Variants in FBN2 observed in about 807,000 individuals in gnomAD.
FBN2 encodes the protein fibrillin-2.
FBN2 carries 105 observed loss-of-function variants against 355.6 expected under a neutral mutation model. The ratio of observed to expected loss-of-function variants is 0.30; its 90% CI spans 0.25 to 0.35. The LOEUF is 0.35. Among genes scored for constraint, FBN2 ranks in the 10% least tolerant of loss-of-function variants. The pLI is 1.00. For missense variants in FBN2, 3,280 were observed against 3,758.7 expected, an observed-to-expected ratio of 0.87 and a Z score of 3.33; for synonymous variants, 1,350 against 1,301.2, an observed-to-expected ratio of 1.04 and a Z score of -0.81.
intron 20 of FBN2, among the ~76,000 whole-genome samples, chr5:128,351,394 A>C (rs1751361651): frequency 6.6e-6 from 1 of 152,060 alleles, no homozygotes; most frequent in African/African-American, 2.4e-5. Context: ...TAAATATACA[A>C]AAATTAGCCA....
rs1027229312 is a variant in FBN2, at chr5:128,369,283, A to G, written c.2147T>C (p.Val716Ala). The part of the protein sequence containing the change: ...CYGGIKKGVC[V>A]RPFPGAVTKS... ...GGTCACTGCACCGGGGAAAGGACGC[A>G]CACACACTCCTTTCTTGATTCCTCC... The change falls in exon 16 of 65, where the codon GTG (valine) becomes GCG (alanine). Residue 716 changes from valine (V) to alanine (A), a missense_variant. Physicochemically the swap from Val to Ala is moderately conservative, Grantham distance 64 (BLOSUM62 0). Coordinates refer to ENST00000262464, the MANE Select transcript of FBN2 (RefSeq NM_001999.4). 1 of 1,614,038 alleles carries G rather than the reference A, an allele frequency of 6.2e-7. No individual in the cohort carries two copies. The highest frequency in any genetic ancestry group is 8.5e-7 in the Non-Finnish European group (1 of 1,179,900).
intron 7 of FBN2, among the ~76,000 whole-genome samples, chr5:128,417,939 G>A (rs988689214): frequency 1.3e-5 from 2 of 152,124 alleles, no homozygotes; most frequent in African/African-American, 4.8e-5. Context: ...GAATTTGGCA[G>A]TGAATACATC....
rs1290679048 is a variant in FBN2, at chr5:128,290,725, CT to C, written c.6445+6del. ...AAAGTGCTGTCTGATGATGTCATTG[CT>C]CTTACCTTCATCGTCTTTGGGGCAC... On this transcript the variant is annotated splice_donor_region_variant and intron_variant, in intron 50 of 64. Coordinates refer to ENST00000262464, the MANE Select transcript of FBN2 (RefSeq NM_001999.4). 1 of 1,613,912 alleles carries C rather than the reference CT, an allele frequency of 6.2e-7. No homozygotes were observed. Among genetic ancestry groups the C allele is most frequent in the East Asian group, 2.2e-5 (1 of 44,886 alleles).
intron 15 of FBN2, chr5:128,371,046 T>A (rs1199745104): frequency 6.6e-6 from 1 of 152,082 alleles, no homozygotes; most frequent in Non-Finnish European, 1.5e-5. Context: ...AGGACACACC[T>A]GAAATACTAA....
At chr5:128,386,526 G>T (rs1216670331) in intron 11 of FBN2, among the ~76,000 whole-genome samples, 1 of 152,042 alleles carries the variant, frequency 6.6e-6, no homozygotes, top group Admixed American at 6.6e-5. Flanking sequence ...GGTTCCACAT[G>T]AATTTTAAAA....
At chr5:128,350,620 G>A (rs1751327902) in intron 21 of FBN2, among the ~76,000 whole-genome samples, 1 of 152,222 alleles carries the variant, frequency 6.6e-6, no homozygotes, top group South Asian at 2.1e-4. Flanking sequence ...AGAGGATACA[G>A]TCATCTAGCA....
intron 5 of FBN2, among the ~76,000 whole-genome samples, chr5:128,473,488 G>GTAA (rs1212111915): frequency 3.3e-5 from 5 of 152,104 alleles, no homozygotes; most frequent in African/African-American, 1.2e-4. Flanking sequence ...CACAGATTAA[G>GTAA]TAATACATGG....
At chr5:128,342,472 G>A (rs1263517734) in intron 25 of FBN2, among the ~76,000 whole-genome samples, 2 of 152,108 alleles carry the variant, frequency 1.3e-5, no homozygotes, top group African/African-American at 4.8e-5. Context: ...AAAGAGAGGG[G>A]TGAGACTTAC....
chr5:128,394,804 G>C (rs963211251), intron 9 of FBN2, among the ~76,000 whole-genome samples: 7 of 152,014 alleles, frequency 4.6e-5, no homozygotes, highest in African/African-American at 1.7e-4. Context: ...ATATATTTTT[G>C]AGACAGGGTC....
At chr5:128,311,212 G>T in intron 39 of FBN2, 88 bp downstream of exon 39, 2 of 1,379,888 alleles carry the variant, frequency 1.4e-6, no homozygotes, top group Non-Finnish European at 2.1e-6. Flanking sequence ...GCCTTTTGTA[G>T]AATGTGAGGA....
At chr5:128,404,580 A>G (rs1242501310) in intron 8 of FBN2, among the ~76,000 whole-genome samples, 1 of 152,236 alleles carries the variant, frequency 6.6e-6, no homozygotes, top group Non-Finnish European at 1.5e-5. Context: ...AAGTTCTTAC[A>G]TTCAATATCA....
intron 18 of FBN2, among the ~76,000 whole-genome samples, chr5:128,363,001 C>A (rs1751677461): frequency 6.6e-6 from 1 of 151,650 alleles, no homozygotes; most frequent in Middle Eastern, 3.2e-3. Flanking sequence ...ATTATCTGAC[C>A]CTTTCCTTTC....
chr5:128,488,004 G>C (rs1469032416), intron 5 of FBN2, among the ~76,000 whole-genome samples: 2 of 152,062 alleles, frequency 1.3e-5, no homozygotes, highest in Non-Finnish European at 2.9e-5. Flanking sequence ...CACATAAAAA[G>C]TCATAGGAGT....
At chr5:128,480,848 T>C (rs1224430814) in intron 5 of FBN2, among the ~76,000 whole-genome samples, 2 of 152,204 alleles carry the variant, frequency 1.3e-5, no homozygotes, top group African/African-American at 4.8e-5. Context: ...GTTATTTCAT[T>C]ATGTCATGAC....
rs773776246 is a variant in FBN2, at chr5:128,302,984, T to C, written c.5906A>G (p.Asn1969Ser). 6.5e-7 allele frequency: 1 copy of C among 1,550,372 alleles called. No homozygotes were observed. Among genetic ancestry groups the C allele is most frequent in the Non-Finnish European group, 8.9e-7 (1 of 1,122,010 alleles). Residue 1969 changes from asparagine (N) to serine (S), a missense_variant, in exon 46 of 65, where the codon AAT (asparagine) becomes AGT (serine). Around this residue, in one of 6 missense-constraint regions of FBN2, gnomAD observed 2,284 missense variants for 2,749.5 expected, o/e 0.83. Transcript: ENST00000262464. ...AATGAAGTACTTACCCAGGCAATCA[T>C]TATTATGAGTGAGTTCAAACCCTGG... Reference protein sequence around the residue: ...CYPGFELTHNNDCLDIDECSS... With the variant: ...CYPGFELTHNSDCLDIDECSS...
In FBN2 at chr5:128,444,158, C is replaced by T. The variant is rs1020266716; in HGVS notation, c.952+2323G>A. 1.3e-4 allele frequency among the ~76,000 whole-genome samples: 20 copies of T among 149,964 alleles called. No individual in the cohort carries two copies. In the South Asian group the frequency reaches 2.7e-3, roughly 20 times the overall value. On this transcript the variant is annotated intron_variant, in intron 7 of 64. Transcript: ENST00000262464. ...CGCGATCTCGGCTCACTGCAAGCTCCGCCTCCTGGGTTCACGCCATTCTCC... is the reference window on the plus strand; with the variant it reads ...CGCGATCTCGGCTCACTGCAAGCTCTGCCTCCTGGGTTCACGCCATTCTCC...
intron 5 of FBN2, among the ~76,000 whole-genome samples, chr5:128,496,741 G>A (rs1380135555): frequency 2.0e-5 from 3 of 151,656 alleles, no homozygotes; most frequent in South Asian, 2.1e-4. Flanking sequence ...CAACACTCAC[G>A]CATTTCATGT....
At chr5:128,436,884 G>C (rs1415471417) in intron 7 of FBN2, among the ~76,000 whole-genome samples, 2 of 152,124 alleles carry the variant, frequency 1.3e-5, no homozygotes, top group Admixed American at 6.5e-5. Flanking sequence ...CCTGGGCTGA[G>C]GTGGAGATGT....
At chr5:128,437,388 G>A (rs1350716236) in intron 7 of FBN2, among the ~76,000 whole-genome samples, 2 of 152,104 alleles carry the variant, frequency 1.3e-5, no homozygotes, top group Non-Finnish European at 2.9e-5. Context: ...ATTCCACACA[G>A]CATTAAAACT....
Sources: allele counts gnomAD v4.1 joint callset (sites outside exome capture counted in the v4.1 genomes callset), GRCh38; gene constraint gnomAD v4.1.1; regional missense constraint gnomAD v4.1.1; transcripts MANE v1.5; gene names NCBI Gene and HGNC (gene_info 2026-07-23, HGNC 2026-07-21).